The following FSTL5 variants were observed in gnomAD, a reference collection of about 807,000 sequenced individuals.
FSTL5 encodes follistatin-related protein 5.
FSTL5 carries 62 observed loss-of-function variants against 89.1 expected under a neutral mutation model. The observed-to-expected ratio is 0.70, with a 90% CI of 0.57 to 0.86. FSTL5 has a LOEUF of 0.86. Among genes scored for constraint, FSTL5 ranks in the 40% least tolerant of loss-of-function variants. FSTL5 has a pLI of 0.00. For missense variants in FSTL5, 1,057 were observed against 1,001.6 expected, an observed-to-expected ratio of 1.06 and a Z score of -0.75; for synonymous variants, 383 against 346.2, an observed-to-expected ratio of 1.11 and a Z score of -1.18.
At chr4:161,831,147 G>T (rs965983542) in intron 4 of FSTL5, among the ~76,000 whole-genome samples, 1 of 151,824 alleles carries the variant, frequency 6.6e-6, no homozygotes, top group African/African-American at 2.4e-5. Flanking sequence ...TGAAACGATG[G>T]CTATGTTCAT....
chr4:162,153,654 TGTATATA>T, intron 1 of FSTL5, among the ~76,000 whole-genome samples: 1 of 118,898 alleles, frequency 8.4e-6, no homozygotes, highest in Non-Finnish European at 1.7e-5. Context: ...ATATTATATA[TGTATATA>T]ATATATGTAT....
intron 7 of FSTL5, among the ~76,000 whole-genome samples, chr4:161,601,993 A>T (rs1288994980): frequency 3.3e-5 from 5 of 152,088 alleles, no homozygotes. Context: ...AACTAACCTC[A>T]AATACAGTCC....
intron 3 of FSTL5, among the ~76,000 whole-genome samples, chr4:161,963,608 T>A (rs191823990): frequency 2.6e-5 from 4 of 152,112 alleles, no homozygotes; most frequent in Admixed American, 2.6e-4. Flanking sequence ...TATGTACTCT[T>A]CACTTTTAAT....
chr4:161,917,801 G>A (rs1296777718), intron 4 of FSTL5, among the ~76,000 whole-genome samples: 1 of 152,124 alleles, frequency 6.6e-6, no homozygotes, highest in African/African-American at 2.4e-5. Flanking sequence ...AATCTCCATT[G>A]CAAGTACTCA....
intron 8 of FSTL5, among the ~76,000 whole-genome samples, chr4:161,557,604 A>C (rs1313062228): frequency 1.3e-5 from 2 of 151,684 alleles, no homozygotes; most frequent in East Asian, 1.9e-4. Context: ...AGCTAATCTA[A>C]AGAAATTAAA....
intron 3 of FSTL5, among the ~76,000 whole-genome samples, chr4:162,012,697 T>G (rs940244779): frequency 6.6e-6 from 1 of 152,154 alleles, no homozygotes; most frequent in South Asian, 2.1e-4. Context: ...TTTAGTTAAA[T>G]TATATAAGGA....
intron 3 of FSTL5, among the ~76,000 whole-genome samples, chr4:161,977,612 C>CAAAAAA (rs796909244): frequency 8.1e-4 from 77 of 95,080 alleles, no homozygotes; most frequent in Non-Finnish European, 1.0e-3. Flanking sequence ...GACTCCGTGT[C>CAAAAAA]AAAAAAAAAA....
intron 1 of FSTL5, among the ~76,000 whole-genome samples, chr4:162,160,087 T>C (rs189689237): frequency 1.3e-5 from 2 of 151,098 alleles, no homozygotes; most frequent in African/African-American, 2.4e-5. Flanking sequence ...AGAATTTACA[T>C]ATATATGTGT....
intron 3 of FSTL5, among the ~76,000 whole-genome samples, chr4:161,993,963 G>C (rs182580794): frequency 6.3e-4 from 96 of 152,096 alleles, no homozygotes; most frequent in Non-Finnish European, 8.5e-4. Context: ...ACGTGTCATG[G>C]GGGTTTGTTG....
intron 6 of FSTL5, among the ~76,000 whole-genome samples, chr4:161,674,325 G>C (rs571848525): frequency 5.3e-5 from 8 of 151,714 alleles, no homozygotes; most frequent in African/African-American, 1.9e-4. Flanking sequence ...AGAAATGAGG[G>C]GGAAAAAAAG....
intron 4 of FSTL5, among the ~76,000 whole-genome samples, chr4:161,874,566 A>T (rs1277938889): frequency 5.9e-5 from 8 of 135,662 alleles, no homozygotes; most frequent in Non-Finnish European, 1.1e-4. Flanking sequence ...TATATTTTAG[A>T]TTTTTTTTTT....
At chr4:161,852,964 C>T (rs549290038) in intron 4 of FSTL5, among the ~76,000 whole-genome samples, 1 of 152,248 alleles carries the variant, frequency 6.6e-6, no homozygotes, top group African/African-American at 2.4e-5. Flanking sequence ...AAAAAACCTG[C>T]ACATCCTGTG....
intron 3 of FSTL5, among the ~76,000 whole-genome samples, chr4:162,032,234 T>C (rs570172996): frequency 1.3e-5 from 2 of 152,198 alleles, no homozygotes; most frequent in East Asian, 3.9e-4. Flanking sequence ...CAAATATGAT[T>C]TAAGATAAAC....
At chr4:161,986,722 C>T (rs1735973684) in intron 3 of FSTL5, among the ~76,000 whole-genome samples, 1 of 152,038 alleles carries the variant, frequency 6.6e-6, no homozygotes. Flanking sequence ...GAATTAACAG[C>T]TTTCTGAAAA....
chr4:161,817,385 T>C (rs1304361583), intron 4 of FSTL5, among the ~76,000 whole-genome samples: 1 of 152,152 alleles, frequency 6.6e-6, no homozygotes, highest in African/African-American at 2.4e-5. Flanking sequence ...AAAAGCTAAT[T>C]AGAAAAGTCA....
intron 6 of FSTL5, among the ~76,000 whole-genome samples, chr4:161,657,320 C>T (rs1736553446): frequency 6.6e-6 from 1 of 152,284 alleles, no homozygotes; most frequent in Non-Finnish European, 1.5e-5. Flanking sequence ...CCTTTTGTTT[C>T]CTGCTGACAT....
At chr4:161,613,359 A>G (rs1734718306) in intron 7 of FSTL5, among the ~76,000 whole-genome samples, 1 of 151,916 alleles carries the variant, frequency 6.6e-6, no homozygotes, top group South Asian at 2.1e-4. Flanking sequence ...CTGATGCAGG[A>G]GAATTGCTTG....
chr4:161,412,620 G>T (rs893954800), intron 15 of FSTL5, among the ~76,000 whole-genome samples: 1 of 152,152 alleles, frequency 6.6e-6, no homozygotes, highest in African/African-American at 2.4e-5. Context: ...TGCAGGTTGT[G>T]CATGTGTACC....
intron 7 of FSTL5, among the ~76,000 whole-genome samples, chr4:161,644,879 C>A (rs1736094332): frequency 6.6e-6 from 1 of 151,980 alleles, no homozygotes; most frequent in Non-Finnish European, 1.5e-5. Context: ...AATAAGAGGA[C>A]ATAATGAATT....
Sources: allele counts gnomAD v4.1 joint callset (sites outside exome capture counted in the v4.1 genomes callset), GRCh38; gene constraint gnomAD v4.1.1; transcripts MANE v1.5; gene names NCBI Gene and HGNC (gene_info 2026-07-23, HGNC 2026-07-21).